Variants in ZNF709 observed in about 807,000 individuals in gnomAD.
The protein encoded by ZNF709 is zinc finger protein 709.
Under a neutral mutation model 10.6 loss-of-function variants are expected in ZNF709, and 15 were observed. That is an observed-to-expected ratio of 1.41 (90% CI 0.95 to 2.18). The LOEUF is 2.18. ZNF709 is among the 30% of genes most tolerant of loss of function. The probability of loss-of-function intolerance (pLI) is 0.00; values close to 1 mark genes in which losing one functional copy is unlikely to be tolerated. For synonymous variants in ZNF709, 194 were observed against 238.8 expected (o/e 0.81, Z 1.73); for missense variants, 589 against 774.0 (o/e 0.76, Z 2.84).
Position 12,465,015 on chromosome 19 carries a change from T to A in ZNF709, c.907A>T (p.Thr303Ser). The A allele has an allele frequency of 1.2e-6, 2 of 1,611,570 alleles. No individual in the cohort carries two copies. Among genetic ancestry groups the A allele is most frequent in the Non-Finnish European group, 1.7e-6 (2 of 1,179,256 alleles). ...TTACATTTATAGGGTTTTTCTCCAGTGTGAATCCTTTCATGACTTCGAAAG... is the reference window on the plus strand; with the variant it reads ...TTACATTTATAGGGTTTTTCTCCAGAGTGAATCCTTTCATGACTTCGAAAG... ...TSFRSHERIH[T>S]GEKPYKCKKC... is the part of the protein sequence containing the mutation. Residue 303 changes from threonine to serine, a missense_variant, in exon 4 of 4, where the codon ACT (threonine) becomes TCT (serine). Transcript: ENST00000397732.
chr19:12,479,762 C>T (rs915732697), intron 1 of ZNF709, among the ~76,000 whole-genome samples: 1 of 151,848 alleles, frequency 6.6e-6, no homozygotes, highest in Non-Finnish European at 1.5e-5. Flanking sequence ...CCCAGCTACT[C>T]GCGAGGCTGA....
At chr19:12,481,969 GA>G (rs1970731280) in intron 1 of ZNF709, among the ~76,000 whole-genome samples, 1 of 79,134 alleles carries the variant, frequency 1.3e-5, no homozygotes, top group Non-Finnish European at 2.5e-5. Context: ...AGGAAAGGAA[GA>G]AGGAAAGGAA....
chr19:12,473,338 C>T (rs565609698), intron 1 of ZNF709, among the ~76,000 whole-genome samples: 2 of 152,236 alleles, frequency 1.3e-5, no homozygotes, highest in African/African-American at 4.8e-5. Flanking sequence ...ATTGTTAATT[C>T]CACTAATACT....
chr19:12,468,659 C>T (rs12610759), intron 1 of ZNF709, among the ~76,000 whole-genome samples: 37,026 of 145,058 alleles, frequency 0.26, 4,883 homozygotes, highest in South Asian at 0.36. Flanking sequence ...TGCCAAATCC[C>T]CCTCTGCGAG....
rs759242650 is a variant in ZNF709, at chr19:12,465,633, TA to T, written c.288del (p.Phe96LeufsTer4). The T allele has an allele frequency of 6.2e-7, 1 of 1,613,258 alleles. No individual in the cohort carries two copies. On this transcript the variant is annotated frameshift_variant, in exon 4 of 4. Transcript: ENST00000397732. LOFTEE classifies it low-confidence loss of function (END_TRUNC). ...TPNPKPNKKT[F>X]TRVKPYECSV... Reference sequence around the variant, plus strand: ...CTACATTCATATGGTTTTACTCTAGTAAAAGTTTTCTTGTTTGGTTTAGGAT... The same window carrying T: ...CTACATTCATATGGTTTTACTCTAGTAAAGTTTTCTTGTTTGGTTTAGGAT...
At chr19:12,468,122 G>A (rs148132579) in intron 1 of ZNF709, among the ~76,000 whole-genome samples, 16,221 of 150,910 alleles carry the variant, frequency 0.11, 998 homozygotes, top group South Asian at 0.24. Context: ...GGTGGGGGGC[G>A]CCTCTGCCTG....
intron 3 of ZNF709, 59 bp from the exon 4 acceptor site, chr19:12,465,792 T>G: frequency 7.9e-7 from 1 of 1,267,148 alleles, no homozygotes; most frequent in South Asian, 2.0e-5. Flanking sequence ...TTAATAATTT[T>G]ATAATTATTG....
intron 1 of ZNF709, among the ~76,000 whole-genome samples, chr19:12,467,973 G>A (rs1014211254): frequency 2.0e-5 from 3 of 151,748 alleles, no homozygotes; most frequent in African/African-American, 7.3e-5. Flanking sequence ...CGTCCGGGAG[G>A]GAGGTGGGGG....
chr19:12,474,057 C>A (rs1223427775), intron 1 of ZNF709, among the ~76,000 whole-genome samples: 1 of 152,140 alleles, frequency 6.6e-6, no homozygotes, highest in African/African-American at 2.4e-5. Flanking sequence ...AAAATGAATA[C>A]AAATTTTTAA....
rs146071004 is a variant in ZNF709 at position 12,482,812 on chromosome 19, T to A, written c.3+1843A>T. ...CAGGTAGGACACCTGCAGGGGAGGC[T>A]CCCTAGGAAGAAACAACTGGGCCTT... is the stretch of plus-strand genomic sequence containing the variant. On this transcript the variant is annotated intron_variant, in intron 1 of 3. Coordinates refer to ENST00000397732, the MANE Select transcript of ZNF709 (RefSeq NM_152601.4). Among the ~76,000 whole-genome samples the A allele has an allele frequency of 3.8e-3, 573 of 152,036 alleles. 2 individuals carry two copies. The highest frequency in any genetic ancestry group is 0.013 in the African/African-American group (543 of 41,476).
intron 1 of ZNF709, among the ~76,000 whole-genome samples, chr19:12,475,257 T>TAAAAAAAAAA (rs71166684): frequency 2.2e-5 from 1 of 44,732 alleles, no homozygotes; most frequent in Non-Finnish European, 4.3e-5. Context: ...GATTCCGTCT[T>TAAAAAAAAAA]AAAAAAAAAA....
At position 12,473,359 on chromosome 19, in the gene ZNF709, A is replaced by G. The variant is rs2144999551; in HGVS notation, c.4-6509T>C. ...AATTCCACTAATACTCATGTATTTAAAGTTCAAATAAGGCTCAACTAAAAG... is the reference window on the plus strand; with the variant it reads ...AATTCCACTAATACTCATGTATTTAGAGTTCAAATAAGGCTCAACTAAAAG... On this transcript the variant is annotated intron_variant, in intron 1 of 3. Coordinates refer to ENST00000397732, the MANE Select transcript of ZNF709 (RefSeq NM_152601.4). 2.0e-5 allele frequency among the ~76,000 whole-genome samples: 3 copies of G among 152,332 alleles called. No homozygotes were observed. The Middle Eastern group carries it at 0.01, about 518-fold the overall frequency.
chr19:12,471,246 G>C (rs1253521578), intron 1 of ZNF709, among the ~76,000 whole-genome samples: 1 of 152,054 alleles, frequency 6.6e-6, no homozygotes, highest in Non-Finnish European at 1.5e-5. Context: ...GGCTAATAAA[G>C]GATATTTAAT....
At chr19:12,483,201 C>T (rs74773471) in intron 1 of ZNF709, among the ~76,000 whole-genome samples, 3,185 of 152,182 alleles carry the variant, frequency 0.021, 52 homozygotes, top group Non-Finnish European at 0.035. Flanking sequence ...AGTGCAGTGG[C>T]ATGATCAAGG....
Position 12,465,359 on chromosome 19 carries a change from C to A in ZNF709, c.563G>T (p.Arg188Ile), listed in dbSNP as rs759621924. ...ATAAGGTTTCTCTCCAGTATGAGTT[C>A]TTTCATGTATTTGAAAGGAACTGGG... ...SWPSSFQIHERTHTGEKPYEC... is the reference protein window; with the variant it reads ...SWPSSFQIHEITHTGEKPYEC... Residue 188 changes from arginine to isoleucine, a missense_variant, in exon 4 of 4, where the codon AGA (arginine) becomes ATA (isoleucine). Physicochemically the swap from Arg to Ile is moderately conservative, Grantham distance 97. Transcript: ENST00000397732. 17 of 1,613,338 alleles carry A rather than the reference C, an allele frequency of 1.1e-5. No homozygotes were observed. The highest frequency in any genetic ancestry group is 8.5e-7 in the Non-Finnish European group (1 of 1,179,806).
intron 1 of ZNF709, among the ~76,000 whole-genome samples, chr19:12,475,756 A>G (rs1290380012): frequency 6.6e-6 from 1 of 152,208 alleles, no homozygotes; most frequent in African/African-American, 2.4e-5. Flanking sequence ...ATTGGGAACA[A>G]AGAAATATCA....
intron 1 of ZNF709, among the ~76,000 whole-genome samples, chr19:12,479,218 A>C (rs537651972): frequency 1.3e-5 from 2 of 152,150 alleles, no homozygotes; most frequent in South Asian, 4.2e-4. Flanking sequence ...TGGGAAGATC[A>C]CTTGAGCCCA....
chr19:12,466,417 A>T, intron 3 of ZNF709, 45 bp downstream of exon 3: 1 of 1,539,694 alleles, frequency 6.5e-7, no homozygotes, highest in Non-Finnish European at 8.9e-7. Flanking sequence ...TGGCATGCTA[A>T]GATTCTCTCA....
At chr19:12,468,027 G>A (rs1970597001) in intron 1 of ZNF709, among the ~76,000 whole-genome samples, 1 of 150,892 alleles carries the variant, frequency 6.6e-6, no homozygotes, top group South Asian at 2.1e-4. Flanking sequence ...AGGGAGGTGG[G>A]GGGTCAGCCC....
Sources: gnomAD v4.1 joint callset for allele counts (sites outside exome capture counted in the v4.1 genomes callset) on GRCh38, gnomAD v4.1.1 for gene constraint, MANE v1.5 for transcripts, NCBI Gene and HGNC (gene_info 2026-07-23, HGNC 2026-07-21) for gene names.